Variants in TBC1D4 observed in about 807,000 individuals in gnomAD.
TBC1D4 encodes the protein TBC (Tre-2, BUB2, CDC16) domain-containing protein.
Under a neutral mutation model 142.5 loss-of-function variants are expected in TBC1D4, and 121 were observed. That is an observed-to-expected ratio of 0.85 (90% CI 0.73 to 0.99). The LOEUF is 0.99. Among genes scored for constraint, TBC1D4 ranks in the 50% least tolerant of loss-of-function variants. The pLI, the probability that TBC1D4 is intolerant of heterozygous loss-of-function variation, is 0.00. For missense variants in TBC1D4, 1,475 were observed against 1,606.6 expected (o/e 0.92, Z 1.40); for synonymous variants, 630 against 628.2 (o/e 1.00, Z -0.04).
chr13:75,452,676 C>G (rs1887578679), intron 1 of TBC1D4, among the ~76,000 whole-genome samples: 1 of 152,122 alleles, frequency 6.6e-6, no homozygotes. Flanking sequence ...AAGTGATTTT[C>G]AACAAAGAAA....
Position 75,423,536 on chromosome 13 carries a change from CA to C in TBC1D4, c.498+57733del, listed in dbSNP as rs201179354. On this transcript the variant is annotated intron_variant, in intron 1 of 20. Coordinates refer to ENST00000377636, the MANE Select transcript of TBC1D4 (RefSeq NM_014832.5). Reference sequence around the variant, plus strand: ...AAAAGGAAAGAGGGAGATTAAATAACAAAGTTAGAAGAGATTCAATAAAAAG... The same window carrying C: ...AAAAGGAAAGAGGGAGATTAAATAACAAGTTAGAAGAGATTCAATAAAAAG... Among the ~76,000 whole-genome samples the C allele has an allele frequency of 5.5e-3, 835 of 152,136 alleles. 9 individuals carry two copies. The highest frequency in any genetic ancestry group is 0.019 in the African/African-American group (784 of 41,502).
intron 19 of TBC1D4, among the ~76,000 whole-genome samples, chr13:75,290,527 C>G (rs1269726796): frequency 6.6e-6 from 1 of 152,050 alleles, no homozygotes; most frequent in African/African-American, 2.4e-5. Flanking sequence ...AGCATAATAT[C>G]TGATTCCAGT....
At chr13:75,313,743 C>T (rs901881579) in intron 12 of TBC1D4, among the ~76,000 whole-genome samples, 4 of 152,116 alleles carry the variant, frequency 2.6e-5, no homozygotes, top group African/African-American at 9.7e-5. Flanking sequence ...CCAGTCTGGT[C>T]TCAAACTCCT....
chr13:75,418,944 T>C (rs116241281), intron 1 of TBC1D4, among the ~76,000 whole-genome samples: 30 of 152,320 alleles, frequency 2.0e-4, no homozygotes, highest in African/African-American at 6.7e-4. Flanking sequence ...GAGCAGCCAC[T>C]ATCCAAGGGA....
intron 5 of TBC1D4, among the ~76,000 whole-genome samples, chr13:75,345,870 A>G (rs193069073): frequency 2.5e-3 from 379 of 152,370 alleles, no homozygotes; most frequent in African/African-American, 8.6e-3. Context: ...CTTCTGACAA[A>G]GACTGCCTAC....
chr13:75,391,032 CCACACACACACACACACACACACACA>C (rs71127539), intron 1 of TBC1D4, among the ~76,000 whole-genome samples: 30 of 136,792 alleles, frequency 2.2e-4, no homozygotes, highest in African/African-American at 8.2e-4. Context: ...TATTCCCCCA[CCACACACACACACACACACACACACA>C]CACACACACA....
intron 1 of TBC1D4, among the ~76,000 whole-genome samples, chr13:75,410,185 T>C (rs1885573029): frequency 6.6e-6 from 1 of 152,300 alleles, no homozygotes; most frequent in South Asian, 2.1e-4. Context: ...ATGTTTGATA[T>C]ATTCACATCA....
chr13:75,441,133 G>A (rs145556710), intron 1 of TBC1D4, among the ~76,000 whole-genome samples: 167 of 152,212 alleles, frequency 1.1e-3, no homozygotes, highest in African/African-American at 2.9e-3. Context: ...GCGGGAACCT[G>A]TAATCCCAGC....
At chr13:75,288,853 A>G in intron 20 of TBC1D4, 81 bp downstream of exon 20, 1 of 1,439,238 alleles carries the variant, frequency 6.9e-7, no homozygotes, top group Non-Finnish European at 9.8e-7. Context: ...TTCCACGCAC[A>G]TATCCCTTTC....
intron 1 of TBC1D4, among the ~76,000 whole-genome samples, chr13:75,424,601 T>A (rs1266883635): frequency 1.3e-5 from 2 of 152,152 alleles, no homozygotes; most frequent in Non-Finnish European, 2.9e-5. Context: ...TCACACTACC[T>A]GATTTCAAAA....
Position 75,302,389 on chromosome 13 carries a change from CT to C in TBC1D4, c.2764del (p.Ser922ValfsTer35), listed in dbSNP as rs1876669247. On this transcript the variant is annotated frameshift_variant, in exon 16 of 21. Transcript: ENST00000377636. LOFTEE classifies it high-confidence loss of function. The stretch of plus-strand genomic sequence containing the variant: ...AAACTGCCAAATTTCTCCTCGTCGA[CT>C]TTTGGGAACTCCTACAATGAAGGAG... ...HTLLKEGVPK[S>X]RRGEIWQFLA... is the part of the protein sequence containing the mutation. 2 of 1,614,014 alleles carry C rather than the reference CT, an allele frequency of 1.2e-6. No homozygotes were observed. Among genetic ancestry groups the C allele is most frequent in the Admixed American group, 1.7e-5 (1 of 60,004 alleles).
intron 2 of TBC1D4, among the ~76,000 whole-genome samples, chr13:75,360,385 G>C (rs1335298338): frequency 2.6e-5 from 4 of 152,170 alleles, no homozygotes; most frequent in East Asian, 3.9e-4. Flanking sequence ...CCAAAGACTA[G>C]AGAGGCTTTA....
chr13:75,365,986 C>T (rs1170424375), intron 1 of TBC1D4, among the ~76,000 whole-genome samples: 1 of 152,216 alleles, frequency 6.6e-6, no homozygotes, highest in Non-Finnish European at 1.5e-5. Flanking sequence ...TGGCTTCTCA[C>T]TCTGCTCACC....
intron 1 of TBC1D4, among the ~76,000 whole-genome samples, chr13:75,469,370 G>C (rs927704489): frequency 1.3e-5 from 2 of 152,130 alleles, no homozygotes; most frequent in African/African-American, 4.8e-5. Flanking sequence ...GGGAGAGCAA[G>C]CTGAGAACAA....
At chr13:75,312,416 G>GAAAAAAAAAAAA (rs762306467) in intron 13 of TBC1D4, among the ~76,000 whole-genome samples, 4 of 125,758 alleles carry the variant, frequency 3.2e-5, no homozygotes, top group African/African-American at 1.1e-4. Context: ...CAATCTCTGG[G>GAAAAAAAAAAAA]AAAAAAAAAA....
chr13:75,304,624 T>C (rs747264177), intron 15 of TBC1D4, among the ~76,000 whole-genome samples: 13 of 152,122 alleles, frequency 8.5e-5, no homozygotes, highest in Non-Finnish European at 1.3e-4. Flanking sequence ...GAAATGGTAT[T>C]TGAGGGACCT....
intron 1 of TBC1D4, among the ~76,000 whole-genome samples, chr13:75,467,364 G>A (rs182265165): frequency 3.3e-5 from 5 of 152,178 alleles, no homozygotes; most frequent in African/African-American, 7.2e-5. Flanking sequence ...AATGGAAAGC[G>A]GGTTTCCAAA....
At chr13:75,363,806 T>C (rs1882729899) in intron 1 of TBC1D4, among the ~76,000 whole-genome samples, 1 of 152,196 alleles carries the variant, frequency 6.6e-6, no homozygotes, top group South Asian at 2.1e-4. Flanking sequence ...CTGAGAACAA[T>C]CCAAACGTCC....
At chr13:75,439,213 A>G (rs934345630) in intron 1 of TBC1D4, among the ~76,000 whole-genome samples, 6 of 152,180 alleles carry the variant, frequency 3.9e-5, no homozygotes, top group African/African-American at 7.2e-5. Flanking sequence ...TTTATGCTTC[A>G]TAACTTATAA....
Sources: gnomAD v4.1 joint callset for allele counts (sites outside exome capture counted in the v4.1 genomes callset) on GRCh38, gnomAD v4.1.1 for gene constraint, MANE v1.5 for transcripts, NCBI Gene and HGNC (gene_info 2026-07-23, HGNC 2026-07-21) for gene names.